The following SRPK2 variants were observed in gnomAD, a reference collection of about 807,000 sequenced individuals.
The protein encoded by SRPK2 is SFRS protein kinase 2.
A neutral mutation model predicts 90.8 loss-of-function variants in SRPK2; 21 were observed. That is an observed-to-expected ratio of 0.23 (90% CI 0.16 to 0.33). The LOEUF (loss-of-function observed/expected upper bound fraction) is 0.33, where lower values mean the gene tolerates loss of function less well. Among genes scored for constraint, SRPK2 ranks in the 10% least tolerant of loss-of-function variants. SRPK2 has a pLI of 1.00. For missense variants in SRPK2, 620 were observed against 869.0 expected (o/e 0.71, Z 3.60); for synonymous variants, 288 against 311.1 (o/e 0.93, Z 0.78).
At chr7:105,321,567 C>G (rs563268822) in intron 2 of SRPK2, among the ~76,000 whole-genome samples, 10 of 152,008 alleles carry the variant, frequency 6.6e-5, no homozygotes, top group Non-Finnish European at 1.3e-4. Flanking sequence ...ATTAACAAAT[C>G]TGATAGGGAT....
chr7:105,293,511 C>A (rs895612593), intron 2 of SRPK2, among the ~76,000 whole-genome samples: 1 of 151,984 alleles, frequency 6.6e-6, no homozygotes, highest in African/African-American at 2.4e-5. Context: ...CACCCCGCCC[C>A]GGGTTTCAAG....
intron 13 of SRPK2, among the ~76,000 whole-genome samples, chr7:105,128,400 T>C (rs1315203243): frequency 1.3e-5 from 2 of 152,174 alleles, no homozygotes; most frequent in African/African-American, 4.8e-5. Flanking sequence ...AGCCCTTATG[T>C]AGGGCCTCTC....
At chr7:105,205,844 T>G in intron 2 of SRPK2, 1 of 492,546 alleles carries the variant, frequency 2.0e-6, no homozygotes, top group Non-Finnish European at 4.0e-6. Flanking sequence ...GTCTGACACA[T>G]TTCCTCAATG....
upstream of SRPK2, among the ~76,000 whole-genome samples, chr7:105,393,459 C>CTTTTTTTTTTTT (rs58162170): frequency 1.2e-5 from 1 of 81,228 alleles, no homozygotes; most frequent in Non-Finnish European, 2.5e-5. Flanking sequence ...TCTGGTTTTT[C>CTTTTTTTTTTTT]TTTTTTTTTT....
chr7:105,143,340 G>T lies in SRPK2; in HGVS notation c.814-10C>A. On this transcript the variant is annotated splice_polypyrimidine_tract_variant and intron_variant, in intron 9 of 15. Transcript: ENST00000393651. Reference sequence around the variant, plus strand: ...TAGATATTTTTCCTATCTATGTTAAGGAAAGACCACAGGTCAGTATTCTTC... The same window carrying T: ...TAGATATTTTTCCTATCTATGTTAATGAAAGACCACAGGTCAGTATTCTTC... 6.2e-7 allele frequency: 1 copy of T among 1,608,054 alleles called. No homozygotes were observed.
intron 2 of SRPK2, among the ~76,000 whole-genome samples, chr7:105,370,248 G>C (rs865843866): frequency 3.3e-5 from 5 of 152,078 alleles, no homozygotes; most frequent in African/African-American, 1.2e-4. Flanking sequence ...GCTTCCTGGG[G>C]ATGTTTATTC....
intron 2 of SRPK2, among the ~76,000 whole-genome samples, chr7:105,227,893 C>CAAAAAAAAAAAAAA (rs566478716): frequency 3.5e-5 from 3 of 84,692 alleles, no homozygotes; most frequent in Non-Finnish European, 2.5e-5. Flanking sequence ...TATCATTCAG[C>CAAAAAAAAAAAAAA]AAAAAAAAAA....
intron 2 of SRPK2, among the ~76,000 whole-genome samples, chr7:105,288,280 A>T (rs1343853391): frequency 6.6e-6 from 1 of 152,156 alleles, no homozygotes; most frequent in African/African-American, 2.4e-5. Flanking sequence ...CACTGAACTT[A>T]AAATAAATAA....
intron 7 of SRPK2, among the ~76,000 whole-genome samples, chr7:105,158,103 T>C (rs1013199362): frequency 6.6e-6 from 1 of 152,092 alleles, no homozygotes; most frequent in Non-Finnish European, 1.5e-5. Flanking sequence ...GGTTAACTTA[T>C]TTAATCTTCG....
intron 2 of SRPK2, among the ~76,000 whole-genome samples, chr7:105,359,256 T>G (rs956978796): frequency 1.3e-5 from 2 of 148,602 alleles, no homozygotes; most frequent in African/African-American, 2.5e-5. Context: ...CCTCCCGGGT[T>G]CAAGCAATTC....
Position 105,170,844 on chromosome 7 carries a change from A to G in SRPK2, c.230-1579T>C, listed in dbSNP as rs867847164. Reference sequence around the variant, plus strand: ...GAGAAAGAGAAAGAAAGGAAGAAAGAAAGAAAGAAAGAAAGAAAGAAAGAA... The same window carrying G: ...GAGAAAGAGAAAGAAAGGAAGAAAGGAAGAAAGAAAGAAAGAAAGAAAGAA... On this transcript the variant is annotated intron_variant, in intron 3 of 15. Coordinates refer to ENST00000393651, the MANE Select transcript of SRPK2 (RefSeq NM_182692.3). 4.2e-3 allele frequency among the ~76,000 whole-genome samples: 45 copies of G among 10,678 alleles called. 1 individual carries two copies. The highest frequency in any genetic ancestry group is 8.2e-3 in the East Asian group (3 of 366). The allele number at this position is 10,678 out of a possible 152,430, so 7.0% of individuals were successfully genotyped here. A position where few individuals can be genotyped will look rare whatever the true frequency, so the allele number is the denominator to read the frequency against.
intron 11 of SRPK2, among the ~76,000 whole-genome samples, chr7:105,138,404 AC>A: frequency 6.6e-6 from 1 of 152,218 alleles, no homozygotes; most frequent in African/African-American, 2.4e-5. Flanking sequence ...GGAAGCCCTC[AC>A]CCAGGAGGCA....
chr7:105,223,223 A>C (rs1332282770), intron 2 of SRPK2, among the ~76,000 whole-genome samples: 1 of 152,238 alleles, frequency 6.6e-6, no homozygotes, highest in Non-Finnish European at 1.5e-5. Context: ...AGCTGAAAAA[A>C]GCTCAACTGC....
At chr7:105,212,293 C>T (rs557534583) in intron 2 of SRPK2, among the ~76,000 whole-genome samples, 1 of 152,258 alleles carries the variant, frequency 6.6e-6, no homozygotes, top group African/African-American at 2.4e-5. Flanking sequence ...CACACAGATG[C>T]CCAGCACTGA....
intron 2 of SRPK2, among the ~76,000 whole-genome samples, chr7:105,379,235 ACAAT>A (rs986042412): frequency 5.9e-5 from 9 of 152,112 alleles, no homozygotes; most frequent in African/African-American, 2.2e-4. Context: ...TGAATCAAAA[ACAAT>A]CAAAAGTAAA....
At chr7:105,143,436 CAT>C (rs1390231898) in intron 9 of SRPK2, 106 bp from the exon 10 acceptor site, 2 of 1,386,268 alleles carry the variant, frequency 1.4e-6, no homozygotes, top group Non-Finnish European at 1.9e-6. Flanking sequence ...TTTCTCATGC[CAT>C]ATTCTATTAA....
chr7:105,205,525 A>T (rs1216945517), intron 2 of SRPK2, among the ~76,000 whole-genome samples: 4,067 of 22,940 alleles, frequency 0.18, 89 homozygotes, highest in African/African-American at 0.29. Flanking sequence ...TCTCACACAC[A>T]CACACACACA....
intron 3 of SRPK2, among the ~76,000 whole-genome samples, chr7:105,170,836 G>GAAGAAAGAAAGAAAGAAAGAAAGA (rs749022069): frequency 2.5e-5 from 1 of 40,188 alleles, no homozygotes; most frequent in African/African-American, 1.2e-4. Flanking sequence ...AGAAAGAAAG[G>GAAGAAAGAAAGAAAGAAAGAAAGA]AAGAAAGAAA....
At chr7:105,199,958 G>C (rs947725418) in intron 3 of SRPK2, among the ~76,000 whole-genome samples, 5 of 150,610 alleles carry the variant, frequency 3.3e-5, no homozygotes, top group African/African-American at 1.2e-4. Flanking sequence ...GGCTGGGATA[G>C]GAAAAACACA....
Sources: gnomAD v4.1 joint callset for allele counts (sites outside exome capture counted in the v4.1 genomes callset) on GRCh38, gnomAD v4.1.1 for gene constraint, MANE v1.5 for transcripts, NCBI Gene and HGNC (gene_info 2026-07-23, HGNC 2026-07-21) for gene names.